CHSY3: variants seen among roughly 807,000 people sequenced by gnomAD.
The protein encoded by CHSY3 is N-acetylgalactosaminyl-proteoglycan 3-beta-glucuronosyltransferase 3.
In CHSY3, 35 loss-of-function variants were observed where a neutral mutation model predicts 67.2. That is an observed-to-expected ratio of 0.52 (90% confidence interval 0.40 to 0.69). The LOEUF is 0.69. Among genes scored for constraint, CHSY3 ranks in the 30% least tolerant of loss-of-function variants. CHSY3 has a pLI of 0.00. For synonymous variants in CHSY3, 474 were observed against 434.7 expected, an observed-to-expected ratio of 1.09 and a Z score of -1.12; for missense variants, 1,069 against 1,138.5, an observed-to-expected ratio of 0.94 and a Z score of 0.88.
chr5:130,068,667 A>G (rs1446303333), intron 2 of CHSY3, among the ~76,000 whole-genome samples: 1 of 152,130 alleles, frequency 6.6e-6, no homozygotes, highest in African/African-American at 2.4e-5. Flanking sequence ...GCAATTCCTT[A>G]TGAAAAACAC....
At chr5:130,165,353 T>C (rs1174636268) in intron 2 of CHSY3, among the ~76,000 whole-genome samples, 1 of 152,100 alleles carries the variant, frequency 6.6e-6, no homozygotes, top group African/African-American at 2.4e-5. Context: ...AGGAGAGCAA[T>C]GATATAATAA....
chr5:129,930,563 T>C (rs897552819), intron 2 of CHSY3, among the ~76,000 whole-genome samples: 6 of 143,300 alleles, frequency 4.2e-5, no homozygotes, highest in South Asian at 2.2e-4. Flanking sequence ...TTTCCAAGCA[T>C]AGAGAAGGAA....
At chr5:129,985,559 G>A (rs1763171641) in intron 2 of CHSY3, among the ~76,000 whole-genome samples, 1 of 151,630 alleles carries the variant, frequency 6.6e-6, no homozygotes, top group East Asian at 1.9e-4. Context: ...CACATTCTGT[G>A]AAAAATGTCA....
At chr5:130,021,514 GCTTT>G (rs1451518939) in intron 2 of CHSY3, among the ~76,000 whole-genome samples, 3 of 152,110 alleles carry the variant, frequency 2.0e-5, no homozygotes, top group Admixed American at 6.5e-5. Context: ...TGGCAATGGA[GCTTT>G]CTATTTGTTT....
intron 2 of CHSY3, among the ~76,000 whole-genome samples, chr5:130,172,617 C>G (rs1380440484): frequency 1.3e-5 from 2 of 152,106 alleles, no homozygotes; most frequent in Non-Finnish European, 2.9e-5. Context: ...AGGTGTGAGC[C>G]ACTGTGCCTG....
intron 2 of CHSY3, among the ~76,000 whole-genome samples, chr5:130,021,715 T>C (rs1030385484): frequency 6.6e-6 from 1 of 152,164 alleles, no homozygotes; most frequent in Non-Finnish European, 1.5e-5. Flanking sequence ...ATTTTACTTA[T>C]AATAAAAAGA....
chr5:130,103,738 T>C (rs1370052552), intron 2 of CHSY3, among the ~76,000 whole-genome samples: 1 of 152,028 alleles, frequency 6.6e-6, no homozygotes, highest in Non-Finnish European at 1.5e-5. Context: ...CTTAATGTTA[T>C]ATATAAGTTT....
rs77683752 is a variant in CHSY3, at chr5:129,914,925, A to G, written c.1086+6565A>G. ...ATAACAAAAATACTCATATTAATTT[A>G]AAAACTTTGAATATTCTTTCTCTTT... On this transcript the variant is annotated intron_variant, in intron 2 of 2. Transcript: ENST00000305031. 4.5e-4 allele frequency among the ~76,000 whole-genome samples: 68 copies of G among 152,348 alleles called. No individual in the cohort carries two copies. In the East Asian group the frequency reaches 0.013, roughly 29 times the overall value.
intron 2 of CHSY3, among the ~76,000 whole-genome samples, chr5:129,925,272 G>T (rs1561457533): frequency 6.6e-6 from 1 of 152,086 alleles, no homozygotes; most frequent in Non-Finnish European, 1.5e-5. Context: ...GGCTAATGTG[G>T]TTGATATATA....
At chr5:130,015,565 A>G (rs1156430621) in intron 2 of CHSY3, among the ~76,000 whole-genome samples, 1 of 152,208 alleles carries the variant, frequency 6.6e-6, no homozygotes, top group Non-Finnish European at 1.5e-5. Flanking sequence ...CAGAATGCCT[A>G]TTATTAAAAA....
chr5:129,925,877 ATG>A (rs1260589224), intron 2 of CHSY3, among the ~76,000 whole-genome samples: 1 of 114,680 alleles, frequency 8.7e-6, no homozygotes, highest in East Asian at 2.9e-4. Flanking sequence ...TCTTATACTA[ATG>A]TGTGTGTATA....
chr5:130,037,195 A>G (rs1298113851), intron 2 of CHSY3, among the ~76,000 whole-genome samples: 1 of 152,092 alleles, frequency 6.6e-6, no homozygotes, highest in Non-Finnish European at 1.5e-5. Context: ...TCTGGAACCC[A>G]CCTCTTGACC....
At chr5:130,172,687 CG>C (rs1388679074) in intron 2 of CHSY3, among the ~76,000 whole-genome samples, 1 of 152,136 alleles carries the variant, frequency 6.6e-6, no homozygotes, top group Admixed American at 6.5e-5. Context: ...TAATGTGCTA[CG>C]CAATGTTTCT....
At chr5:130,127,007 A>G (rs1411308338) in intron 2 of CHSY3, among the ~76,000 whole-genome samples, 3 of 152,220 alleles carry the variant, frequency 2.0e-5, no homozygotes, top group African/African-American at 4.8e-5. Context: ...AACATCTTTC[A>G]GAGACATGAA....
At chr5:129,934,976 C>T (rs59485090) in intron 2 of CHSY3, among the ~76,000 whole-genome samples, 3,621 of 152,120 alleles carry the variant, frequency 0.024, 131 homozygotes, top group African/African-American at 0.083. Flanking sequence ...TGAATCAAAA[C>T]GAGAGCTAGG....
intron 2 of CHSY3, among the ~76,000 whole-genome samples, chr5:130,039,758 G>T (rs1390473741): frequency 6.6e-6 from 1 of 152,062 alleles, no homozygotes; most frequent in Non-Finnish European, 1.5e-5. Flanking sequence ...GATTACAAGT[G>T]TGAGCCACTG....
intron 2 of CHSY3, among the ~76,000 whole-genome samples, chr5:129,914,339 C>T (rs1760669349): frequency 6.6e-6 from 1 of 152,146 alleles, no homozygotes; most frequent in Admixed American, 6.5e-5. Context: ...CCTCGAACTC[C>T]CAACCTCAGG....
chr5:130,009,641 A>G (rs1163179353), intron 2 of CHSY3, among the ~76,000 whole-genome samples: 1 of 152,242 alleles, frequency 6.6e-6, no homozygotes, highest in Non-Finnish European at 1.5e-5. Flanking sequence ...ACATATATCA[A>G]TATTAACCTT....
At chr5:130,175,070 T>A (rs939896063) in intron 2 of CHSY3, among the ~76,000 whole-genome samples, 1 of 152,156 alleles carries the variant, frequency 6.6e-6, no homozygotes, top group African/African-American at 2.4e-5. Flanking sequence ...ATGTGGGTGC[T>A]CCTGTATTGG....
Sources: allele counts gnomAD v4.1 joint callset (sites outside exome capture counted in the v4.1 genomes callset), GRCh38; gene constraint gnomAD v4.1.1; transcripts MANE v1.5; gene names NCBI Gene and HGNC (gene_info 2026-07-23, HGNC 2026-07-21).